Variants in PITRM1 observed in about 807,000 individuals in gnomAD.
PITRM1 encodes the protein presequence protease, mitochondrial.
Under a neutral mutation model 129.9 loss-of-function variants are expected in PITRM1, and 100 were observed. The observed-to-expected ratio is 0.77, with a 90% CI of 0.65 to 0.91. PITRM1 has a LOEUF of 0.91. Ranked by LOEUF, PITRM1 falls within the 40% of genes least tolerant of loss-of-function variation. The probability of loss-of-function intolerance (pLI) is 0.00; values close to 1 mark genes in which losing one functional copy is unlikely to be tolerated. For synonymous variants in PITRM1, 591 were observed against 508.8 expected (o/e 1.16, Z -2.17); for missense variants, 1,471 against 1,318.3 (o/e 1.12, Z -1.79).
chr10:3,172,824 G>A, upstream of PITRM1: 2 of 1,517,224 alleles, frequency 1.3e-6, no homozygotes, highest in African/African-American at 1.4e-5. Context: ...ACCCGACGCA[G>A]GGCGCGGGGC....
rs1183613217 is a variant in PITRM1 at position 3,165,439 on chromosome 10, G to A, written c.507C>T (p.Phe169=). 1 of 1,612,712 alleles carries A rather than the reference G, an allele frequency of 6.2e-7. No homozygotes were observed. The change falls in exon 5 of 27, where the codon TTC becomes TTT. Residue 169 remains phenylalanine, a synonymous_variant. Coordinates refer to ENST00000224949, the MANE Select transcript of PITRM1 (RefSeq NM_014889.4). ...AGAAATCCAGCTCGCGTAAACATGG[G>A]AAAAAGGTGGCATCCAAATACACCG... ...LLSVYLDATF[F]PCLRELDFWQ... is the part of the protein sequence containing the mutation.
rs11414 is a variant in PITRM1 at position 3,138,124 on chromosome 10, T to C, written c.3021A>G (p.Arg1007=). 0.59 allele frequency: 946,184 copies of C among 1,598,882 alleles called. 281,935 individuals carry two copies. Among genetic ancestry groups the C allele is most frequent in the African/African-American group, 0.69 (51,281 of 74,654 alleles). ...SHDKLLAVSD[R]YLGTGKSTHG... ...GTGTGCTCTTCCCAGTGCCGAGGTA[T>C]CTGAGAGGAAGGCAGGCGTGGTCAG... The change falls in exon 27 of 27, where the codon AGA becomes AGG. Residue 1007 remains arginine (R), a splice_region_variant and synonymous_variant. Transcript: ENST00000224949.
rs1842056947 is a variant in PITRM1, at chr10:3,157,321, TTACCCATTTAA to T, written c.1347+103_1347+113del. 7.4e-6 allele frequency: 5 copies of T among 672,658 alleles called. No homozygotes were observed. The African/African-American group carries it at 9.2e-5, about 12-fold the overall frequency. The allele number at this position is 672,658 out of a possible 1,614,324, so 41.7% of individuals were successfully genotyped here. On this transcript the variant is annotated intron_variant, in intron 12 of 26. Coordinates refer to ENST00000224949, the MANE Select transcript of PITRM1 (RefSeq NM_014889.4). Reference sequence around the variant, plus strand: ...CCAACAGATTACTAGTTATAAACCCTTACCCATTTAAAGTAATCTATTTCACATAAAAATAT... The same window carrying T: ...CCAACAGATTACTAGTTATAAACCCTAGTAATCTATTTCACATAAAAATAT...
chr10:3,164,075 C>CTT, intron 6 of PITRM1, 190 bp from the exon 7 acceptor site: 1 of 373,906 alleles, frequency 2.7e-6, no homozygotes, highest in Non-Finnish European at 4.8e-6. Context: ...GGTATTCAAT[C>CTT]ATTCATCACC....
At chr10:3,159,743 C>T (rs1220986674) in intron 9 of PITRM1, 105 bp downstream of exon 9, 5 of 661,676 alleles carry the variant, frequency 7.6e-6, no homozygotes, top group South Asian at 2.0e-5. Context: ...GAATCCTAAC[C>T]GTATATTAAT....
At chr10:3,158,287 T>C (rs1842142707) in intron 10 of PITRM1, 134 bp from the exon 11 acceptor site, 6 of 634,206 alleles carry the variant, frequency 9.5e-6, no homozygotes, top group Non-Finnish European at 5.6e-6. Context: ...ATTAAAGCAG[T>C]GTTCTCAAGT....
chr10:3,146,923 T>C (rs7924157), intron 20 of PITRM1: 58,354 of 334,428 alleles, frequency 0.17, 5,575 homozygotes, highest in African/African-American at 0.23. Flanking sequence ...TTGCCCTCAA[T>C]CTATTTGCAC....
chr10:3,158,867 G>GC, intron 10 of PITRM1, 47 bp downstream of exon 10: 1 of 1,588,908 alleles, frequency 6.3e-7, no homozygotes, highest in Non-Finnish European at 8.6e-7. Flanking sequence ...GAGCAAAACT[G>GC]CCCCCAACCA....
rs1442827347 is a variant in PITRM1 at position 3,137,742 on chromosome 10, C to A, written c.*289G>T. 1.1e-4 allele frequency: 46 copies of A among 426,630 alleles called. No homozygotes were observed. Among genetic ancestry groups the A allele is most frequent in the Non-Finnish European group, 1.6e-4 (35 of 223,416 alleles). The allele number at this position is 426,630 out of a possible 1,614,324, so 26.4% of individuals were successfully genotyped here. A position where few individuals can be genotyped will look rare whatever the true frequency, so the allele number is the denominator to read the frequency against. ...TCAAGCAGAGGTTAAGTCAGAGTTG[C>A]CCTTTATTTTTAGATTCTTAAATAT... On this transcript the variant is annotated 3_prime_UTR_variant, in exon 27 of 27. Coordinates refer to ENST00000224949, the MANE Select transcript of PITRM1 (RefSeq NM_014889.4).
chr10:3,171,146 TTA>T (rs1491136070), intron 1 of PITRM1, among the ~76,000 whole-genome samples: 579 of 36,230 alleles, frequency 0.016, 133 homozygotes, highest in Admixed American at 0.022. Context: ...AATCGTTCAA[TTA>T]AAAAAAAAAA....
chr10:3,147,143 C>T lies in PITRM1; in HGVS notation c.2336+7G>A, dbSNP rs777928907. 7 of 1,380,026 alleles carry T rather than the reference C, an allele frequency of 5.1e-6. No homozygotes were observed. Among genetic ancestry groups the T allele is most frequent in the Non-Finnish European group, 7.2e-6 (7 of 968,378 alleles). 85.5% of individuals were successfully genotyped at this position (1,380,026 alleles called of 1,614,324 possible). A position where few individuals can be genotyped will look rare whatever the true frequency, so the allele number is the denominator to read the frequency against. On this transcript the variant is annotated splice_region_variant and intron_variant, in intron 20 of 26. Coordinates refer to ENST00000224949, the MANE Select transcript of PITRM1 (RefSeq NM_014889.4). ...ATAAAATATTTAGAAACAAATCACA[C>T]ATGCACCTCATATTATCACCATTTA...
chr10:3,150,843 G>A (rs1368941633), intron 15 of PITRM1, among the ~76,000 whole-genome samples: 1 of 152,190 alleles, frequency 6.6e-6, no homozygotes, highest in African/African-American at 2.4e-5. Context: ...TCAGCACTCA[G>A]CTTTCTGGGG....
At chr10:3,143,601 C>G in intron 22 of PITRM1, 100 bp from the exon 23 acceptor site, 1 of 800,284 alleles carries the variant, frequency 1.2e-6, no homozygotes, top group Non-Finnish European at 2.2e-6. Flanking sequence ...TGTGCTCCCA[C>G]GCACTGCCCA....
At chr10:3,146,103 G>T in intron 20 of PITRM1, 1 of 187,246 alleles carries the variant, frequency 5.3e-6, no homozygotes, top group Non-Finnish European at 1.1e-5. Flanking sequence ...ATGTGAACTG[G>T]TTGTTAAAGC....
In PITRM1 at chr10:3,167,326, A is replaced by T. The variant is rs150923252; in HGVS notation, c.160-284T>A. On this transcript the variant is annotated intron_variant, in intron 2 of 26. Coordinates refer to ENST00000224949, the MANE Select transcript of PITRM1 (RefSeq NM_014889.4). ...GAGCGCGAGAGCGCACGCGCTTACTACTGGCTAGGTATTTTAGATTTTTTT... is the reference window on the plus strand; with the variant it reads ...GAGCGCGAGAGCGCACGCGCTTACTTCTGGCTAGGTATTTTAGATTTTTTT... Among the ~76,000 whole-genome samples, 77 of 152,382 alleles carry T rather than the reference A, an allele frequency of 5.1e-4. 1 individual carries two copies. The highest frequency in any genetic ancestry group is 1.7e-3 in the African/African-American group (71 of 41,596).
In PITRM1 at chr10:3,143,380, C is replaced by G. The variant is rs747429923; in HGVS notation, c.2645+9G>C. ...CAGGCCTGAGAGGTCCCGACCTACA[C>G]CCTCCTACCTGGCATGATCTGGGTC... On this transcript the variant is annotated intron_variant, in intron 23 of 26. Coordinates refer to ENST00000224949, the MANE Select transcript of PITRM1 (RefSeq NM_014889.4). 6.4e-7 allele frequency: 1 copy of G among 1,568,244 alleles called. No individual in the cohort carries two copies. Among genetic ancestry groups the G allele is most frequent in the Non-Finnish European group, 8.8e-7 (1 of 1,138,164 alleles).
chr10:3,152,763 T>G (rs1300851422), intron 14 of PITRM1, among the ~76,000 whole-genome samples: 1 of 152,216 alleles, frequency 6.6e-6, no homozygotes, highest in Non-Finnish European at 1.5e-5. Context: ...TCCTGCCTCT[T>G]CCCTGACCCG....
intron 3 of PITRM1, 63 bp from the exon 4 acceptor site, chr10:3,166,443 G>A: frequency 1.3e-6 from 1 of 795,648 alleles, no homozygotes; most frequent in Non-Finnish European, 1.9e-6. Flanking sequence ...ACAGTTCCCA[G>A]ATGCATCATC....
Position 3,168,741 on chromosome 10 carries a change from C to A in PITRM1, c.159+1363G>T, listed in dbSNP as rs546085773. On this transcript the variant is annotated intron_variant, in intron 2 of 26. Transcript: ENST00000224949. Reference sequence around the variant, plus strand: ...CACGATTGTGTTTCCTGAGGCCTCCCCAGCCATGCAGAACTGTGAGTCAAT... The same window carrying A: ...CACGATTGTGTTTCCTGAGGCCTCCACAGCCATGCAGAACTGTGAGTCAAT... Among the ~76,000 whole-genome samples the A allele has an allele frequency of 1.6e-3, 241 of 152,270 alleles. 2 individuals are homozygous for A. The highest frequency in any genetic ancestry group is 2.5e-3 in the Non-Finnish European group (171 of 68,016).
Sources: allele counts gnomAD v4.1 joint callset (sites outside exome capture counted in the v4.1 genomes callset), GRCh38; gene constraint gnomAD v4.1.1; transcripts MANE v1.5; gene names NCBI Gene and HGNC (gene_info 2026-07-23, HGNC 2026-07-21).